Variants in HDAC9 observed in about 807,000 individuals in gnomAD.
HDAC9 encodes histone deacetylase 9.
HDAC9 carries 41 observed loss-of-function variants against 139.4 expected under a neutral mutation model. The observed-to-expected ratio is 0.29, with a 90% CI of 0.23 to 0.38. HDAC9 has a LOEUF of 0.38. HDAC9 is among the 10% of genes least tolerant of loss of function. The pLI, the probability that HDAC9 is intolerant of heterozygous loss-of-function variation, is 1.00. For synonymous variants in HDAC9, 517 were observed against 476.2 expected (o/e 1.09, Z -1.12); for missense variants, 1,147 against 1,297.0 (o/e 0.88, Z 1.78).
intron 2 of HDAC9, among the ~76,000 whole-genome samples, chr7:18,569,067 T>C (rs1176801394): frequency 6.7e-6 from 1 of 149,958 alleles, no homozygotes; most frequent in Non-Finnish European, 1.5e-5. Context: ...AATAAATAAA[T>C]AAAATAAAAT....
intron 2 of HDAC9, among the ~76,000 whole-genome samples, chr7:18,582,366 A>C (rs1828081927): frequency 6.6e-6 from 1 of 152,176 alleles, no homozygotes; most frequent in South Asian, 2.1e-4. Flanking sequence ...TTTAAAAACT[A>C]ATATGATTTA....
chr7:18,892,518 T>G (rs1197562834), intron 22 of HDAC9: 2 of 152,102 alleles, frequency 1.3e-5, no homozygotes, highest in African/African-American at 4.8e-5. Context: ...AAATTGACCT[T>G]CAAAACAAAG....
At chr7:18,953,089 C>T (rs1234858149) in intron 23 of HDAC9, among the ~76,000 whole-genome samples, 1 of 151,896 alleles carries the variant, frequency 6.6e-6, no homozygotes. Context: ...CTGGTAATCC[C>T]TGTGTTTTTT....
intron 2 of HDAC9, among the ~76,000 whole-genome samples, chr7:18,550,226 A>G (rs1171123160): frequency 6.6e-6 from 1 of 152,200 alleles, no homozygotes; most frequent in Non-Finnish European, 1.5e-5. Flanking sequence ...AACAAAACTG[A>G]AAACAGCCAG....
At chr7:18,325,968 A>G (rs898820003) in intron 1 of HDAC9, among the ~76,000 whole-genome samples, 1 of 152,058 alleles carries the variant, frequency 6.6e-6, no homozygotes, top group Non-Finnish European at 1.5e-5. Context: ...ATTGCCTGAC[A>G]ATCCATTTCT....
chr7:18,921,874 T>C (rs983146206), intron 22 of HDAC9, among the ~76,000 whole-genome samples: 3 of 152,110 alleles, frequency 2.0e-5, no homozygotes, highest in African/African-American at 7.2e-5. Flanking sequence ...GTGGCACATA[T>C]GCACTATGGA....
chr7:18,116,134 G>C (rs1783967334), intron 1 of HDAC9, among the ~76,000 whole-genome samples: 2 of 152,056 alleles, frequency 1.3e-5, no homozygotes, highest in Non-Finnish European at 2.9e-5. Flanking sequence ...AATTTTCGTG[G>C]TGTATGTTAA....
chr7:18,661,786 A>G (rs1414362189), intron 11 of HDAC9, among the ~76,000 whole-genome samples: 2 of 152,112 alleles, frequency 1.3e-5, no homozygotes, highest in Non-Finnish European at 2.9e-5. Flanking sequence ...TTTCTTCCCC[A>G]TGTTTCCTTT....
intron 17 of HDAC9, among the ~76,000 whole-genome samples, chr7:18,814,765 C>T (rs150482453): frequency 6.6e-6 from 1 of 152,142 alleles, no homozygotes; most frequent in African/African-American, 2.4e-5. Flanking sequence ...AGCTATTCTA[C>T]TAGTGTATAG....
chr7:18,666,331 G>T lies in HDAC9; in HGVS notation c.1586G>T (p.Ser529Ile). ...GACAGAGCGCCCTCTAGTGGCAACAGCACTAGGAGCGACAGCAGTGCTTGT... is the reference window on the plus strand; with the variant it reads ...GACAGAGCGCCCTCTAGTGGCAACATCACTAGGAGCGACAGCAGTGCTTGT... Reference protein sequence around the residue: ...QEDRAPSSGNSTRSDSSACVD... With the variant: ...QEDRAPSSGNITRSDSSACVD... The change falls in exon 12 of 26, where the codon AGC becomes ATC. Residue 529 changes from serine (S) to isoleucine (I), a missense_variant. Around this residue, in one of 7 missense-constraint regions of HDAC9, gnomAD observed 256 missense variants for 219.2 expected, o/e 1.17. Transcript: ENST00000686413. The T allele has an allele frequency of 1.2e-6, 2 of 1,613,436 alleles. No individual in the cohort carries two copies.
chr7:18,174,538 T>C (rs1423004542), intron 2 of HDAC9, among the ~76,000 whole-genome samples: 2 of 152,234 alleles, frequency 1.3e-5, no homozygotes, highest in Non-Finnish European at 2.9e-5. Context: ...GTGCTCTGGA[T>C]TTTAGAATTT....
intron 2 of HDAC9, among the ~76,000 whole-genome samples, chr7:18,521,966 T>C (rs527878821): frequency 6.6e-6 from 1 of 152,270 alleles, no homozygotes; most frequent in Admixed American, 6.5e-5. Context: ...GAAAAATCAG[T>C]TATTGAAATA....
intron 2 of HDAC9, among the ~76,000 whole-genome samples, chr7:18,245,681 C>T (rs1794477305): frequency 6.6e-6 from 1 of 152,138 alleles, no homozygotes; most frequent in African/African-American, 2.4e-5. Context: ...GCTTTCATTT[C>T]TCTTCATTGA....
intron 2 of HDAC9, among the ~76,000 whole-genome samples, chr7:18,273,055 C>CCTTTTTTTTTTTTTTT (rs1491175072): frequency 1.5e-5 from 1 of 68,236 alleles, no homozygotes; most frequent in African/African-American, 6.4e-5. Flanking sequence ...TCCCCTTCTT[C>CCTTTTTTTTTTTTTTT]GTTTTTTTTT....
intron 2 of HDAC9, among the ~76,000 whole-genome samples, chr7:18,514,732 G>T (rs1563111884): frequency 6.6e-6 from 1 of 152,162 alleles, no homozygotes; most frequent in East Asian, 1.9e-4. Flanking sequence ...TTGAGGCCAG[G>T]AGTTTGAGAC....
chr7:18,613,535 T>C (rs1837748621), intron 6 of HDAC9, among the ~76,000 whole-genome samples: 1 of 152,098 alleles, frequency 6.6e-6, no homozygotes, highest in African/African-American at 2.4e-5. Flanking sequence ...TCTATCCCTC[T>C]CCTAAACAAT....
At chr7:18,445,686 C>T (rs1025364192) in intron 1 of HDAC9, among the ~76,000 whole-genome samples, 2 of 152,146 alleles carry the variant, frequency 1.3e-5, no homozygotes, top group African/African-American at 2.4e-5. Context: ...CCAAATGCCC[C>T]GAGGCAGAGC....
chr7:18,882,664 TGGGGAA>T (rs1454166721), intron 22 of HDAC9, among the ~76,000 whole-genome samples: 1 of 149,174 alleles, frequency 6.7e-6, no homozygotes, highest in Non-Finnish European at 1.5e-5. Context: ...AAAAAGTGGG[TGGGGAA>T]GGGAGATAAT....
intron 2 of HDAC9, among the ~76,000 whole-genome samples, chr7:18,209,943 G>T (rs752459139): frequency 6.6e-6 from 1 of 151,792 alleles, no homozygotes; most frequent in African/African-American, 2.4e-5. Flanking sequence ...CTCGTGATCC[G>T]CCCTCCTTGG....
Sources: allele counts gnomAD v4.1 joint callset (sites outside exome capture counted in the v4.1 genomes callset), GRCh38; gene constraint gnomAD v4.1.1; regional missense constraint gnomAD v4.1.1; transcripts MANE v1.5; gene names NCBI Gene and HGNC (gene_info 2026-07-23, HGNC 2026-07-21).